PINK1: variants seen among roughly 807,000 people sequenced by gnomAD.
PINK1 encodes serine/threonine-protein kinase PINK1, mitochondrial.
A neutral mutation model predicts 56.0 loss-of-function variants in PINK1; 58 were observed. The observed-to-expected ratio is 1.04, with a 90% CI of 0.84 to 1.29. PINK1 has a LOEUF of 1.29. Among genes scored for constraint, PINK1 ranks in the 50% most tolerant of loss-of-function variants. PINK1 has a pLI of 0.00. For synonymous variants in PINK1, 354 were observed against 339.3 expected (o/e 1.04, Z -0.48); for missense variants, 745 against 777.9 (o/e 0.96, Z 0.50).
intron 5 of PINK1, 128 bp from the exon 6 acceptor site, chr1:20,648,377 C>T: frequency 7.0e-7 from 1 of 1,424,744 alleles, no homozygotes; most frequent in Middle Eastern, 1.9e-4. Context: ...TTGCTGACCT[C>T]CTGGGCCAAC....
At chr1:20,648,000 G>A (rs915528833) in intron 5 of PINK1, among the ~76,000 whole-genome samples, 1 of 151,220 alleles carries the variant, frequency 6.6e-6, no homozygotes, top group Non-Finnish European at 1.5e-5. Context: ...TTTTAGTAGA[G>A]ACAGGGGTTT....
At position 20,644,624 on chromosome 1, in the gene PINK1, A is replaced by AC; in HGVS notation, c.914dup (p.Glu306Ter). 1 of 1,614,084 alleles carries AC rather than the reference A, an allele frequency of 6.2e-7. No homozygotes were observed. Among genetic ancestry groups the AC allele is most frequent in the Non-Finnish European group, 8.5e-7 (1 of 1,180,030 alleles). The stretch of plus-strand genomic sequence containing the variant: ...CCTGATGTGCTGCCCTCACGCCTCC[A>AC]CCCTGAAGGCCTGGGCCATGGCCGG... On this transcript the variant is annotated frameshift_variant, in exon 4 of 8. Coordinates refer to ENST00000321556, the MANE Select transcript of PINK1 (RefSeq NM_032409.3). LOFTEE classifies it high-confidence loss of function.
At position 20,650,864 on chromosome 1, in the gene PINK1, G is replaced by A; in HGVS notation, c.*173G>A. On this transcript the variant is annotated 3_prime_UTR_variant, in exon 8 of 8. Coordinates refer to ENST00000321556, the MANE Select transcript of PINK1 (RefSeq NM_032409.3). ...AAGAACTTGAGTGAGAGTTCAGTCT[G>A]CAGTCCTCTGCTCACAGACATCTGA... 1.2e-6 allele frequency: 1 copy of A among 831,590 alleles called. No individual in the cohort carries two copies. Among genetic ancestry groups the A allele is most frequent in the Non-Finnish European group, 1.9e-6 (1 of 524,510 alleles). The allele number at this position is 831,590 out of a possible 1,614,324, so 51.5% of individuals were successfully genotyped here.
rs994009079 is a variant in PINK1, at chr1:20,633,614, G to A, written c.66G>A (p.Thr22=). 5.4e-6 allele frequency: 7 copies of A among 1,285,036 alleles called. No individual in the cohort carries two copies. Among genetic ancestry groups the A allele is most frequent in the South Asian group, 5.1e-5 (2 of 39,320 alleles). The allele number at this position is 1,285,036 out of a possible 1,614,324, so 79.6% of individuals were successfully genotyped here. ...QLGRALLLRF[T]GKPGRAYGLG... is the part of the protein sequence containing the mutation. ...GTCGAGCGCTGCTGCTGCGCTTCAC[G>A]GGCAAGCCCGGCCGGGCCTACGGCT... The change falls in exon 1 of 8, where the codon ACG becomes ACA. Residue 22 remains threonine (T), a synonymous_variant. Coordinates refer to ENST00000321556, the MANE Select transcript of PINK1 (RefSeq NM_032409.3).
chr1:20,634,435 C>T (rs7541234), intron 1 of PINK1, among the ~76,000 whole-genome samples: 20,957 of 152,094 alleles, frequency 0.14, 1,547 homozygotes, highest in East Asian at 0.23. Context: ...CTATGAACGG[C>T]GAGAAAAACA....
Position 20,648,645 on chromosome 1 carries a change from T to C in PINK1, c.1251+13T>C, listed in dbSNP as rs1343941245. ...GATGGCCCCAGAGGTGAGTCCCGAG[T>C]GTGTCATGCGCCATCGGCAGCCCTT... On this transcript the variant is annotated intron_variant, in intron 6 of 7. Coordinates refer to ENST00000321556, the MANE Select transcript of PINK1 (RefSeq NM_032409.3). 3 of 1,613,198 alleles carry C rather than the reference T, an allele frequency of 1.9e-6. No individual in the cohort carries two copies. The highest frequency in any genetic ancestry group is 1.1e-5 in the South Asian group (1 of 91,062).
rs1421504234 is a variant in PINK1 at position 20,648,210 on chromosome 1, C to T, written c.1124-295C>T. On this transcript the variant is annotated intron_variant, in intron 5 of 7. Coordinates refer to ENST00000321556, the MANE Select transcript of PINK1 (RefSeq NM_032409.3). ...TAAGGGCCCTTGGAGATCATTTGAA[C>T]CAAGCTCTAGCTCCTTTGGTCTTGG... 2.2e-5 allele frequency: 10 copies of T among 449,008 alleles called. No individual in the cohort carries two copies. In the Admixed American group the frequency reaches 3.4e-4, roughly 15 times the overall value. The allele number at this position is 449,008 out of a possible 1,614,324, so 27.8% of individuals were successfully genotyped here. A position where few individuals can be genotyped will look rare whatever the true frequency, so the allele number is the denominator to read the frequency against.
chr1:20,650,254 T>G lies in PINK1; in HGVS notation c.1489-180T>G, dbSNP rs992365155. The G allele has an allele frequency of 5.1e-6, 4 of 787,534 alleles. No homozygotes were observed. The African/African-American group carries it at 6.8e-5, about 13-fold the overall frequency. The allele number at this position is 787,534 out of a possible 1,614,324, so 48.8% of individuals were successfully genotyped here. The stretch of plus-strand genomic sequence containing the variant: ...TGCAGAGGTGTACACATGGAAAAGC[T>G]TGGAGCACGGGCAGGGGACAGGCAG... On this transcript the variant is annotated intron_variant, in intron 7 of 7. Transcript: ENST00000321556.
chr1:20,650,759 ATGGTGAGGG>A lies in PINK1; in HGVS notation c.*72_*80del. 6 of 1,574,318 alleles carry A rather than the reference ATGGTGAGGG, an allele frequency of 3.8e-6. No homozygotes were observed. The South Asian group carries it at 6.8e-5, about 18-fold the overall frequency. ...TCCTCTGTGTCGTGATGGTCTGTGA[ATGGTGAGGG>A]TGGGAGTCAGGAGACAAGACAGCGC... On this transcript the variant is annotated 3_prime_UTR_variant, in exon 8 of 8. Transcript: ENST00000321556.
chr1:20,647,464 GGC>G (rs1239242491), intron 5 of PINK1, among the ~76,000 whole-genome samples: 3 of 116,144 alleles, frequency 2.6e-5, no homozygotes, highest in Admixed American at 9.8e-5. Flanking sequence ...GCTGGGAGTT[GGC>G]TTTTTTTTTT....
intron 5 of PINK1, among the ~76,000 whole-genome samples, chr1:20,646,384 G>A (rs1185432941): frequency 2.6e-5 from 4 of 152,078 alleles, no homozygotes; most frequent in African/African-American, 7.2e-5. Flanking sequence ...AGTGGCTCAC[G>A]CCTGTAATCC....
At chr1:20,637,801 C>T (rs772124063) in intron 1 of PINK1, 41 bp from the exon 2 acceptor site, 53 of 1,611,034 alleles carry the variant, frequency 3.3e-5, no homozygotes, top group Non-Finnish European at 4.4e-5. Context: ...TTGGGCCTTC[C>T]TAGGCTCCCT....
intron 6 of PINK1, 160 bp downstream of exon 6, chr1:20,648,792 C>A: frequency 1.5e-6 from 2 of 1,363,328 alleles, no homozygotes; most frequent in Non-Finnish European, 2.0e-6. Context: ...CTCCGGCGTT[C>A]CCTCATGTTC....
At chr1:20,634,144 C>T (rs2053029983) in intron 1 of PINK1, among the ~76,000 whole-genome samples, 1 of 152,234 alleles carries the variant, frequency 6.6e-6, no homozygotes, top group South Asian at 2.1e-4. Flanking sequence ...TAATGTTTCC[C>T]TTCCTCAAAT....
rs913579905 is a variant in PINK1 at position 20,641,629 on chromosome 1, A to G, written c.776+1637A>G. Among the ~76,000 whole-genome samples the G allele has an allele frequency of 1.3e-5, 2 of 152,066 alleles. No homozygotes were observed. Among genetic ancestry groups the G allele is most frequent in the African/African-American group, 2.4e-5 (1 of 41,390 alleles). ...ACCTCAACTTCTGGTACACCTTGGGAGAAGCTTTCCCAAGAACACCCTGGG... is the reference window on the plus strand; with the variant it reads ...ACCTCAACTTCTGGTACACCTTGGGGGAAGCTTTCCCAAGAACACCCTGGG... On this transcript the variant is annotated intron_variant, in intron 3 of 7. Transcript: ENST00000321556. This position sits in a 1 kb window ranked among gnomAD's most constrained non-coding sequence, Gnocchi z 4.0.
At chr1:20,640,980 T>A (rs1429634158) in intron 3 of PINK1, among the ~76,000 whole-genome samples, 1 of 152,080 alleles carries the variant, frequency 6.6e-6, no homozygotes, top group Non-Finnish European at 1.5e-5. Context: ...GAGGCTGCAG[T>A]GAGCCAAGAT....
chr1:20,649,395 G>A (rs547887841), intron 7 of PINK1, 164 bp downstream of exon 7: 1 of 687,500 alleles, frequency 1.5e-6, no homozygotes, highest in African/African-American at 1.8e-5. Flanking sequence ...ATGTAGGTAG[G>A]AGTAGGAGCA....
Position 20,645,565 on chromosome 1 carries a change from C to T in PINK1, c.965C>T (p.Pro322Leu), listed in dbSNP as rs768019187. Residue 322 changes from proline (P) to leucine (L), a missense_variant, in exon 5 of 8, where the codon CCC (proline) becomes CTC (leucine). Coordinates refer to ENST00000321556, the MANE Select transcript of PINK1 (RefSeq NM_032409.3). ...CCCTCTCCCCTCTCCGCCAGCTATC[C>T]CTGTACCCTGCGCCAGTACCTTTGT... Reference protein sequence around the residue: ...RTLFLVMKNYPCTLRQYLCVN... With the variant: ...RTLFLVMKNYLCTLRQYLCVN... 37 of 1,613,482 alleles carry T rather than the reference C, an allele frequency of 2.3e-5. No individual in the cohort carries two copies. The South Asian group carries it at 3.7e-4, about 16-fold the overall frequency.
At position 20,641,538 on chromosome 1, in the gene PINK1, T is replaced by G. The variant is rs1338113520; in HGVS notation, c.776+1546T>G. Among the ~76,000 whole-genome samples the G allele has an allele frequency of 6.6e-6, 1 of 152,100 alleles. No individual in the cohort carries two copies. The highest frequency in any genetic ancestry group is 2.4e-5 in the African/African-American group (1 of 41,422). On this transcript the variant is annotated intron_variant, in intron 3 of 7. Coordinates refer to ENST00000321556, the MANE Select transcript of PINK1 (RefSeq NM_032409.3). This position sits in a 1 kb window ranked among gnomAD's most constrained non-coding sequence, Gnocchi z 4.0. Reference sequence around the variant, plus strand: ...GCTCCAGCTGTACTGTAAACACTCTTTGTTTACTGCATACCCTCAGTAAAT... The same window carrying G: ...GCTCCAGCTGTACTGTAAACACTCTGTGTTTACTGCATACCCTCAGTAAAT...
Sources: allele counts gnomAD v4.1 joint callset (sites outside exome capture counted in the v4.1 genomes callset), GRCh38; gene constraint gnomAD v4.1.1; non-coding constraint Gnocchi (gnomAD v3.1); transcripts MANE v1.5; gene names NCBI Gene and HGNC (gene_info 2026-07-23, HGNC 2026-07-21).